The following GRB14 variants were observed in gnomAD, a reference collection of about 807,000 sequenced individuals.
GRB14 encodes the protein growth factor receptor bound protein 14.
In GRB14, 38 loss-of-function variants were observed where a neutral mutation model predicts 69.1. That is an observed-to-expected ratio of 0.55 (90% CI 0.42 to 0.72). The LOEUF is 0.72. Ranked by LOEUF, GRB14 falls within the 30% of genes least tolerant of loss-of-function variation. GRB14 has a pLI of 0.00. For synonymous variants in GRB14, 247 were observed against 241.3 expected (o/e 1.02, Z -0.22); for missense variants, 666 against 666.1 (o/e 1.00, Z 0.00).
chr2:164,517,685 A>C (rs1439073279), intron 6 of GRB14, among the ~76,000 whole-genome samples: 1 of 152,204 alleles, frequency 6.6e-6, no homozygotes, highest in African/African-American at 2.4e-5. Flanking sequence ...TTCCATGCAA[A>C]TGGACACCAA....
intron 2 of GRB14, among the ~76,000 whole-genome samples, chr2:164,587,170 T>C (rs988729012): frequency 6.6e-5 from 10 of 152,204 alleles, no homozygotes; most frequent in African/African-American, 2.4e-4. Context: ...AAAAGTCTTA[T>C]TTAAATAACA....
intron 6 of GRB14, among the ~76,000 whole-genome samples, chr2:164,513,300 GC>G (rs146364399): frequency 0.027 from 4,064 of 152,160 alleles, 171 homozygotes; most frequent in African/African-American, 0.093. Flanking sequence ...TTGAATAGTA[GC>G]CCCCCAAAAA....
At chr2:164,620,451 T>TA (rs1574364964) in intron 1 of GRB14, among the ~76,000 whole-genome samples, 1 of 152,234 alleles carries the variant, frequency 6.6e-6, no homozygotes, top group East Asian at 1.9e-4. Flanking sequence ...CTTGCTAGTA[T>TA]AAATGTACTA....
intron 6 of GRB14, among the ~76,000 whole-genome samples, chr2:164,514,666 A>G (rs190235490): frequency 1.3e-5 from 2 of 152,126 alleles, no homozygotes; most frequent in Admixed American, 1.3e-4. Context: ...CTTTGTAACA[A>G]TTTCAACTGA....
At chr2:164,509,372 T>A (rs1687279405) in intron 6 of GRB14, among the ~76,000 whole-genome samples, 1 of 152,170 alleles carries the variant, frequency 6.6e-6, no homozygotes, top group African/African-American at 2.4e-5. Flanking sequence ...ACTCTAACTT[T>A]ACAAAAGGAA....
chr2:164,590,224 A>G (rs945209399), intron 2 of GRB14, among the ~76,000 whole-genome samples: 1 of 152,176 alleles, frequency 6.6e-6, no homozygotes, highest in African/African-American at 2.4e-5. Flanking sequence ...CTTTCTTCAT[A>G]TATTCTCTAG....
Position 164,569,271 on chromosome 2 carries a change from G to C in GRB14, c.325-21455C>G, listed in dbSNP as rs557315750. Reference sequence around the variant, plus strand: ...AGTTTATTCTAATGTTTCTAGGGGAGGGAGGCTGGAGGAGGTTTACAATGG... The same window carrying C: ...AGTTTATTCTAATGTTTCTAGGGGACGGAGGCTGGAGGAGGTTTACAATGG... On this transcript the variant is annotated intron_variant, in intron 2 of 13. Coordinates refer to ENST00000263915, the MANE Select transcript of GRB14 (RefSeq NM_004490.3). Among the ~76,000 whole-genome samples the C allele has an allele frequency of 3.9e-5, 6 of 152,228 alleles. No homozygotes were observed. The South Asian group carries it at 1.2e-3, about 32-fold the overall frequency.
chr2:164,567,707 T>A (rs1209995504), intron 2 of GRB14, among the ~76,000 whole-genome samples: 1 of 152,122 alleles, frequency 6.6e-6, no homozygotes, highest in Non-Finnish European at 1.5e-5. Flanking sequence ...TACAAAAAAC[T>A]AATAAATAAA....
At chr2:164,613,766 G>C (rs1487125694) in intron 2 of GRB14, among the ~76,000 whole-genome samples, 2 of 152,104 alleles carry the variant, frequency 1.3e-5, no homozygotes, top group Non-Finnish European at 2.9e-5. Context: ...AGCCTTTCAG[G>C]CTGGTTCATT....
At chr2:164,558,025 C>T (rs1198732035) in intron 2 of GRB14, among the ~76,000 whole-genome samples, 1 of 152,156 alleles carries the variant, frequency 6.6e-6, no homozygotes, top group Admixed American at 6.5e-5. Context: ...CACTGTCACA[C>T]CAGATAGCCT....
In GRB14 at chr2:164,547,821, G is replaced by C. The variant is rs1016252988; in HGVS notation, c.325-5C>G. On this transcript the variant is annotated splice_polypyrimidine_tract_variant and splice_region_variant and intron_variant, in intron 2 of 13. Transcript: ENST00000263915. ...TTCACTGTATACTTTAATCACCTGTGTAGGTAGAAACAAGAAAAAGACCTA... is the reference window on the plus strand; with the variant it reads ...TTCACTGTATACTTTAATCACCTGTCTAGGTAGAAACAAGAAAAAGACCTA... 4.5e-5 allele frequency: 71 copies of C among 1,588,430 alleles called. No homozygotes were observed. Among genetic ancestry groups the C allele is most frequent in the Non-Finnish European group, 6.0e-5 (70 of 1,165,118 alleles).
chr2:164,567,674 A>G (rs1287636429), intron 2 of GRB14, among the ~76,000 whole-genome samples: 1 of 152,210 alleles, frequency 6.6e-6, no homozygotes, highest in Non-Finnish European at 1.5e-5. Context: ...GCAATGCTGT[A>G]AGTGAGACAT....
intron 6 of GRB14, among the ~76,000 whole-genome samples, chr2:164,514,859 T>C (rs1056148971): frequency 2.6e-5 from 4 of 152,104 alleles, no homozygotes; most frequent in African/African-American, 9.7e-5. Flanking sequence ...AAATACTCAG[T>C]GCTGTTGGCG....
intron 13 of GRB14, among the ~76,000 whole-genome samples, chr2:164,493,492 T>C (rs13005055): frequency 0.15 from 22,911 of 152,146 alleles, 1,814 homozygotes; most frequent in Middle Eastern, 0.19. Context: ...AGAGTAAAAG[T>C]AAATGAAGAT....
chr2:164,527,381 G>GA (rs1307182752), intron 3 of GRB14, among the ~76,000 whole-genome samples: 3 of 151,026 alleles, frequency 2.0e-5, no homozygotes, highest in Admixed American at 6.6e-5. Flanking sequence ...TGTCTAGAAA[G>GA]AAAAAAATGT....
intron 13 of GRB14, 110 bp downstream of exon 13, chr2:164,494,321 T>C: frequency 4.7e-6 from 3 of 638,378 alleles, no homozygotes; most frequent in Admixed American, 2.9e-5. Context: ...TTATATTTAA[T>C]AAAAAGACCA....
rs1690459053 is a variant in GRB14, at chr2:164,621,366, G to T, written c.-57C>A. 4.9e-6 allele frequency: 6 copies of T among 1,236,784 alleles called. No homozygotes were observed. The African/African-American group carries it at 7.7e-5, about 16-fold the overall frequency. 76.6% of individuals were successfully genotyped at this position (1,236,784 alleles called of 1,614,324 possible). Reference sequence around the variant, plus strand: ...GAGACTCGGCGCGTGGGGAGAAGGGGTTTGCGCGGCGGGAGGCGAGGTGCC... The same window carrying T: ...GAGACTCGGCGCGTGGGGAGAAGGGTTTTGCGCGGCGGGAGGCGAGGTGCC... On this transcript the variant is annotated 5_prime_UTR_variant, in exon 1 of 14. Coordinates refer to ENST00000263915, the MANE Select transcript of GRB14 (RefSeq NM_004490.3). The surrounding 1 kb of genome is among the most constrained non-coding windows in gnomAD (Gnocchi z 6.0).
intron 2 of GRB14, among the ~76,000 whole-genome samples, chr2:164,610,465 C>T (rs1325743239): frequency 3.9e-5 from 6 of 151,924 alleles, no homozygotes; most frequent in Middle Eastern, 3.4e-3. Context: ...GCAAAAGATA[C>T]GTACTTTTAA....
chr2:164,512,215 G>A (rs1240931217), intron 6 of GRB14, among the ~76,000 whole-genome samples: 2 of 152,174 alleles, frequency 1.3e-5, no homozygotes, highest in Non-Finnish European at 2.9e-5. Flanking sequence ...TGCCCAGGCT[G>A]GAGGGCAATG....
Sources: gnomAD v4.1 joint callset for allele counts (sites outside exome capture counted in the v4.1 genomes callset) on GRCh38, gnomAD v4.1.1 for gene constraint, Gnocchi (gnomAD v3.1) non-coding constraint, MANE v1.5 for transcripts, NCBI Gene and HGNC (gene_info 2026-07-23, HGNC 2026-07-21) for gene names.